Variants in CALN1 observed in about 807,000 individuals in gnomAD.
CALN1 encodes calneuron 1.
CALN1 carries 17 observed loss-of-function variants against 30.6 expected under a neutral mutation model. That is an observed-to-expected ratio of 0.56 (90% CI 0.38 to 0.83). The LOEUF (loss-of-function observed/expected upper bound fraction) is 0.83. Ranked by LOEUF, CALN1 falls within the 40% of genes least tolerant of loss-of-function variation. The probability of loss-of-function intolerance (pLI) is 0.00; values close to 1 mark genes in which losing one functional copy is unlikely to be tolerated. For synonymous variants in CALN1, 156 were observed against 131.4 expected (o/e 1.19, Z -1.28); for missense variants, 291 against 354.9 (o/e 0.82, Z 1.45).
intron 3 of CALN1, among the ~76,000 whole-genome samples, chr7:72,214,312 T>C (rs2129548435): frequency 6.6e-6 from 1 of 152,184 alleles, no homozygotes; most frequent in Non-Finnish European, 1.5e-5. Flanking sequence ...AAACCCTGTC[T>C]CTACTAAAAA....
At chr7:71,882,850 T>TTGTGTG (rs34870061) in intron 5 of CALN1, among the ~76,000 whole-genome samples, 5,354 of 130,930 alleles carry the variant, frequency 0.041, 141 homozygotes, top group East Asian at 0.07. Context: ...CCCATCTAAT[T>TTGTGTG]TGTGTGTGTG....
chr7:72,199,065 A>C (rs1239054272), intron 3 of CALN1, among the ~76,000 whole-genome samples: 1 of 152,202 alleles, frequency 6.6e-6, no homozygotes, highest in Non-Finnish European at 1.5e-5. Context: ...ACTTGAGGTC[A>C]GCAGTTCGAG....
At position 72,432,978 on chromosome 7, in the gene CALN1, A is replaced by G. The variant is rs559334080; in HGVS notation, c.-226+14064T>C. On this transcript the variant is annotated intron_variant, in intron 1 of 6. Coordinates refer to the CALN1 transcript ENST00000395276. ...GGAGAGGCGGGAAAAGAACAAGGCCATGGCTCTGTTTGAACCCAACATTTG... is the reference window on the plus strand; with the variant it reads ...GGAGAGGCGGGAAAAGAACAAGGCCGTGGCTCTGTTTGAACCCAACATTTG... Among the ~76,000 whole-genome samples, 27 of 152,302 alleles carry G rather than the reference A, an allele frequency of 1.8e-4. No homozygotes were observed. In the South Asian group the frequency reaches 5.6e-3, roughly 32 times the overall value.
chr7:71,804,319 G>A (rs1787479773), intron 6 of CALN1, among the ~76,000 whole-genome samples: 1 of 152,024 alleles, frequency 6.6e-6, no homozygotes, highest in Admixed American at 6.6e-5. Flanking sequence ...GAACAGGCTG[G>A]GTGACACAGC....
intron 2 of CALN1, among the ~76,000 whole-genome samples, chr7:72,363,324 C>T (rs7787755): frequency 0.37 from 56,051 of 152,048 alleles, 11,152 homozygotes; most frequent in Admixed American, 0.45. Context: ...TTGCAACCTC[C>T]GCCTCCTGGG....
chr7:71,871,410 C>T (rs1420688112), intron 5 of CALN1, among the ~76,000 whole-genome samples: 1 of 145,436 alleles, frequency 6.9e-6, no homozygotes, highest in Non-Finnish European at 1.6e-5. Flanking sequence ...CTACTCCAGA[C>T]CTGCACCCAC....
intron 3 of CALN1, among the ~76,000 whole-genome samples, chr7:72,209,697 C>T (rs779631166): frequency 6.6e-6 from 1 of 152,100 alleles, no homozygotes; most frequent in Non-Finnish European, 1.5e-5. Context: ...CTTTGGCTAT[C>T]GGGCTCTTTA....
intron 5 of CALN1, among the ~76,000 whole-genome samples, chr7:71,839,437 C>T (rs1005774607): frequency 1.3e-5 from 2 of 152,188 alleles, no homozygotes; most frequent in Admixed American, 6.5e-5. Context: ...GAGGCTGAGG[C>T]AGGAGATTCG....
chr7:71,983,466 C>T (rs1315716060), intron 5 of CALN1, among the ~76,000 whole-genome samples: 1 of 152,188 alleles, frequency 6.6e-6, no homozygotes, highest in Non-Finnish European at 1.5e-5. Flanking sequence ...TATGTGCACA[C>T]ACATACACAC....
chr7:72,077,433 C>G (rs1182780982), intron 4 of CALN1, among the ~76,000 whole-genome samples: 1 of 152,058 alleles, frequency 6.6e-6, no homozygotes, highest in Non-Finnish European at 1.5e-5. Flanking sequence ...ACCATCACGC[C>G]CAGCTAATTT....
intron 5 of CALN1, among the ~76,000 whole-genome samples, chr7:71,864,932 G>A (rs1791500672): frequency 6.6e-6 from 1 of 152,076 alleles, no homozygotes; most frequent in Non-Finnish European, 1.5e-5. Flanking sequence ...GAGCCTGGGA[G>A]GTGGATGTTG....
the CALN1 span, among the ~76,000 whole-genome samples, chr7:72,493,918 G>A: frequency 4.6e-5 from 7 of 152,186 alleles, no homozygotes; most frequent in Non-Finnish European, 1.0e-4. Flanking sequence ...CTTGTGGCAA[G>A]AAGCAATTAT....
intron 2 of CALN1, among the ~76,000 whole-genome samples, chr7:72,334,716 C>G (rs771678726): frequency 6.6e-6 from 1 of 152,246 alleles, no homozygotes; most frequent in Non-Finnish European, 1.5e-5. Flanking sequence ...GTGAACAATT[C>G]TAAGAGGATT....
At chr7:72,378,863 C>T (rs1240620710) in intron 2 of CALN1, among the ~76,000 whole-genome samples, 2 of 152,158 alleles carry the variant, frequency 1.3e-5, no homozygotes, top group Non-Finnish European at 2.9e-5. Context: ...CCACTGCGCC[C>T]AGCCTGTATC....
At chr7:71,923,282 T>C (rs965587417) in intron 5 of CALN1, among the ~76,000 whole-genome samples, 1 of 152,212 alleles carries the variant, frequency 6.6e-6, no homozygotes, top group Non-Finnish European at 1.5e-5. Flanking sequence ...TTCTGTGCTC[T>C]GTTGATGCTT....
At chr7:72,372,264 G>A (rs757315848) in intron 2 of CALN1, among the ~76,000 whole-genome samples, 3 of 152,136 alleles carry the variant, frequency 2.0e-5, no homozygotes, top group Non-Finnish European at 4.4e-5. Context: ...AAACTCTGAG[G>A]AAGGAGAGCC....
At chr7:72,296,083 A>G (rs1489433034) in intron 2 of CALN1, among the ~76,000 whole-genome samples, 1 of 152,048 alleles carries the variant, frequency 6.6e-6, no homozygotes, top group African/African-American at 2.4e-5. Flanking sequence ...AGGTTGTTGA[A>G]TTTTGTCAAA....
intron 5 of CALN1, among the ~76,000 whole-genome samples, chr7:71,875,761 A>G (rs1434160549): frequency 2.0e-5 from 3 of 146,942 alleles, no homozygotes; most frequent in Admixed American, 6.7e-5. Context: ...TATACTACAC[A>G]CTAGACAGAC....
At chr7:72,281,918 A>T (rs903672718) in intron 2 of CALN1, among the ~76,000 whole-genome samples, 1 of 152,194 alleles carries the variant, frequency 6.6e-6, no homozygotes, top group Admixed American at 6.5e-5. Flanking sequence ...CCCACTTGAT[A>T]TACCAACATA....
Sources: allele counts gnomAD v4.1 joint callset (sites outside exome capture counted in the v4.1 genomes callset), GRCh38; gene constraint gnomAD v4.1.1; transcripts MANE v1.5; gene names NCBI Gene and HGNC (gene_info 2026-07-23, HGNC 2026-07-21).